Variants in CTNNA2 observed in about 807,000 individuals in gnomAD.
CTNNA2 encodes catenin alpha-2.
In CTNNA2, 42 loss-of-function variants were observed where a neutral mutation model predicts 101.0. The ratio of observed to expected loss-of-function variants is 0.42; its 90% CI spans 0.32 to 0.54. The LOEUF (loss-of-function observed/expected upper bound fraction) is 0.54. Ranked by LOEUF, CTNNA2 falls within the 20% of genes least tolerant of loss-of-function variation. CTNNA2 has a pLI of 0.14. For missense variants in CTNNA2, 871 were observed against 1,223.1 expected (o/e 0.71, Z 4.29); for synonymous variants, 450 against 456.4 (o/e 0.99, Z 0.18).
chr2:80,151,133 GT>G (rs1703668962), intron 7 of CTNNA2, among the ~76,000 whole-genome samples: 1 of 152,112 alleles, frequency 6.6e-6, no homozygotes, highest in African/African-American at 2.4e-5. Flanking sequence ...GGGCAGTTTC[GT>G]CCCAGGCTCT....
At chr2:79,477,168 C>CTTTTTTTTTTTTTTTTTTTTTTTTCT (rs5832392) in intron 4 of CTNNA2, among the ~76,000 whole-genome samples, 1 of 123,148 alleles carries the variant, frequency 8.1e-6, no homozygotes, top group Non-Finnish European at 1.6e-5. Context: ...TCTTTTTTTT[C>CTTTTTTTTTTTTTTTTTTTTTTTTCT]TTTTTTTTTT....
chr2:79,265,698 A>C (rs1175577091), intron 2 of CTNNA2, among the ~76,000 whole-genome samples: 1 of 152,202 alleles, frequency 6.6e-6, no homozygotes, highest in Non-Finnish European at 1.5e-5. Context: ...CCCCATAGGC[A>C]GAGGTAATAA....
At chr2:80,280,888 C>T (rs1217511772) in intron 7 of CTNNA2, among the ~76,000 whole-genome samples, 4 of 152,134 alleles carry the variant, frequency 2.6e-5, no homozygotes, top group South Asian at 2.1e-4. Flanking sequence ...TCTATTGTTT[C>T]GGGCATCTAC....
chr2:79,240,312 A>G (rs1485548297), intron 2 of CTNNA2, among the ~76,000 whole-genome samples: 1 of 151,784 alleles, frequency 6.6e-6, no homozygotes, highest in Non-Finnish European at 1.5e-5. Context: ...AGATTGCTTC[A>G]TCATTCAGGT....
At chr2:79,507,962 A>C (rs545401554) in intron 5 of CTNNA2, among the ~76,000 whole-genome samples, 22 of 152,312 alleles carry the variant, frequency 1.4e-4, no homozygotes, top group African/African-American at 5.1e-4. Context: ...ATAACTTCAC[A>C]GTGATGAATG....
chr2:79,564,718 G>C (rs1439503166), intron 1 of CTNNA2, among the ~76,000 whole-genome samples: 2 of 152,084 alleles, frequency 1.3e-5, no homozygotes, highest in Non-Finnish European at 2.9e-5. Context: ...CCTGAATTTG[G>C]TTTATTATGT....
intron 6 of CTNNA2, among the ~76,000 whole-genome samples, chr2:79,902,472 A>C (rs1489024480): frequency 6.6e-6 from 1 of 152,146 alleles, no homozygotes; most frequent in East Asian, 1.9e-4. Context: ...GATTTTGCAT[A>C]TTAATACAGG....
In CTNNA2 at chr2:79,557,253, A is replaced by G. The variant is rs1573337347; in HGVS notation, c.-6+44046A>G. On this transcript the variant is annotated intron_variant, in intron 1 of 18. Transcript: ENST00000402739. ...CAACTTTTGCCCGTTAGGAGAGTTC[A>G]GGGCCTAAGGTGGCCCTCTTAATTC... is the stretch of plus-strand genomic sequence containing the variant. 2.6e-5 allele frequency among the ~76,000 whole-genome samples: 4 copies of G among 151,992 alleles called. No individual in the cohort carries two copies. In the East Asian group the frequency reaches 7.7e-4, roughly 29 times the overall value.
chr2:80,229,031 T>A (rs1709049141), intron 7 of CTNNA2, among the ~76,000 whole-genome samples: 1 of 152,222 alleles, frequency 6.6e-6, no homozygotes, highest in African/African-American at 2.4e-5. Context: ...GACAGAGAAT[T>A]ATTTTTTAAA....
intron 7 of CTNNA2, chr2:80,298,170 T>C (rs1675927843): frequency 6.6e-6 from 1 of 152,080 alleles, no homozygotes; most frequent in East Asian, 1.9e-4. Context: ...TTCTAGCTAA[T>C]TCCTTTTTTT....
At chr2:79,876,935 C>T (rs751924655) in intron 6 of CTNNA2, among the ~76,000 whole-genome samples, 2 of 151,680 alleles carry the variant, frequency 1.3e-5, no homozygotes, top group African/African-American at 2.4e-5. Flanking sequence ...TTTTATAAAA[C>T]ATGATATATT....
Position 80,360,413 on chromosome 2 carries a change from G to C in CTNNA2, c.1057-32798G>C, listed in dbSNP as rs1376129731. The stretch of plus-strand genomic sequence containing the variant: ...ATTATCCCTTTTGGTAGTACTTAAG[G>C]GTTTTTTACACATCCGAGCAGTATA... On this transcript the variant is annotated intron_variant, in intron 7 of 18. Coordinates refer to ENST00000402739, the MANE Select transcript of CTNNA2 (RefSeq NM_001282597.3). Among the ~76,000 whole-genome samples the C allele has an allele frequency of 2.0e-5, 3 of 151,978 alleles. No individual in the cohort carries two copies. In the East Asian group the frequency reaches 5.8e-4, roughly 29 times the overall value.
At chr2:79,926,854 C>T (rs1189164907) in intron 7 of CTNNA2, among the ~76,000 whole-genome samples, 1 of 151,282 alleles carries the variant, frequency 6.6e-6, no homozygotes, top group Non-Finnish European at 1.5e-5. Context: ...ATGTTGTAAG[C>T]CTATTAAGTC....
chr2:80,496,395 CTTTTTTTT>C (rs34221173), intron 9 of CTNNA2, among the ~76,000 whole-genome samples: 2 of 131,736 alleles, frequency 1.5e-5, no homozygotes, highest in African/African-American at 2.8e-5. Flanking sequence ...TCTTCACTGT[CTTTTTTTT>C]TTTTTTTTTT....
intron 2 of CTNNA2, among the ~76,000 whole-genome samples, chr2:79,687,082 T>C (rs1023416060): frequency 6.6e-6 from 1 of 152,090 alleles, no homozygotes; most frequent in Non-Finnish European, 1.5e-5. Context: ...CTAGAAATAA[T>C]TGTGACAGCA....
At chr2:80,491,155 A>G (rs904762486) in intron 9 of CTNNA2, among the ~76,000 whole-genome samples, 1 of 152,258 alleles carries the variant, frequency 6.6e-6, no homozygotes, top group Non-Finnish European at 1.5e-5. Flanking sequence ...AGGTCTGGGC[A>G]TACCTTAGGT....
chr2:79,250,182 T>A (rs1271141171), intron 2 of CTNNA2, among the ~76,000 whole-genome samples: 1 of 152,218 alleles, frequency 6.6e-6, no homozygotes, highest in Non-Finnish European at 1.5e-5. Context: ...GCTTCCACCC[T>A]GAGCCCTTGT....
chr2:79,766,878 C>T (rs1673202685), intron 3 of CTNNA2, among the ~76,000 whole-genome samples: 1 of 151,844 alleles, frequency 6.6e-6, no homozygotes, highest in East Asian at 1.9e-4. Context: ...GCCTCAGCCT[C>T]CCAAGTAGCT....
At chr2:79,385,792 T>G (rs1222605099) in intron 4 of CTNNA2, among the ~76,000 whole-genome samples, 1 of 152,162 alleles carries the variant, frequency 6.6e-6, no homozygotes, top group Non-Finnish European at 1.5e-5. Context: ...TGTTTGGTTT[T>G]CTGTGCCTGT....
Sources: gnomAD v4.1 joint callset for allele counts (sites outside exome capture counted in the v4.1 genomes callset) on GRCh38, gnomAD v4.1.1 for gene constraint, MANE v1.5 for transcripts, NCBI Gene and HGNC (gene_info 2026-07-23, HGNC 2026-07-21) for gene names.